Variants in CBFA2T2 observed in about 807,000 individuals in gnomAD.
CBFA2T2 encodes CBFA2/RUNX1 partner transcriptional co-repressor 2.
CBFA2T2 carries 11 observed loss-of-function variants against 62.2 expected under a neutral mutation model. The observed-to-expected ratio is 0.18, with a 90% CI of 0.11 to 0.29. The LOEUF (loss-of-function observed/expected upper bound fraction) is 0.29, where lower values mean the gene tolerates loss of function less well. Among genes scored for constraint, CBFA2T2 ranks in the 10% least tolerant of loss-of-function variants. CBFA2T2 has a pLI of 1.00. For synonymous variants in CBFA2T2, 295 were observed against 287.5 expected (o/e 1.03, Z -0.27); for missense variants, 592 against 774.1 (o/e 0.76, Z 2.79).
chr20:33,632,704 C>T (rs1192590971), intron 8 of CBFA2T2, among the ~76,000 whole-genome samples: 1 of 151,932 alleles, frequency 6.6e-6, no homozygotes, highest in Non-Finnish European at 1.5e-5. Context: ...GCCTCGTCCT[C>T]CCGAAGTGCT....
intron 1 of CBFA2T2, among the ~76,000 whole-genome samples, chr20:33,491,531 C>T (rs1337449352): frequency 6.6e-6 from 1 of 150,970 alleles, no homozygotes; most frequent in Non-Finnish European, 1.5e-5. Flanking sequence ...CTTTACGCTT[C>T]TTTTTTTTTG....
rs869281966 is a variant in CBFA2T2, at chr20:33,501,630, C to CTTTTTTTTTTTTTTTTTT, written c.34+11340_34+11357dup. Among the ~76,000 whole-genome samples, 2 of 63,256 alleles carry CTTTTTTTTTTTTTTTTTT rather than the reference C, an allele frequency of 3.2e-5. 1 individual carries two copies. Among genetic ancestry groups the CTTTTTTTTTTTTTTTTTT allele is most frequent in the African/African-American group, 1.4e-4 (2 of 14,130 alleles). 41.5% of individuals were successfully genotyped at this position (63,256 alleles called of 152,430 possible). ...AGTTGAAACTATATTCTTAGCCTTC[C>CTTTTTTTTTTTTTTTTTT]TTTTTTTTTTTTTTTTTTTTTTTTT... On this transcript the variant is annotated intron_variant, in intron 1 of 10. Transcript: ENST00000342704.
At chr20:33,567,105 GCTGA>G (rs1157452607) in intron 1 of CBFA2T2, among the ~76,000 whole-genome samples, 8 of 152,316 alleles carry the variant, frequency 5.3e-5, no homozygotes, top group African/African-American at 1.4e-4. Flanking sequence ...ATTTTCACTG[GCTGA>G]TGGACTTTCC....
At chr20:33,522,820 G>A (rs1441665033) in intron 1 of CBFA2T2, among the ~76,000 whole-genome samples, 3 of 152,154 alleles carry the variant, frequency 2.0e-5, no homozygotes, top group African/African-American at 7.2e-5. Context: ...ATACCATTGA[G>A]ATGCATGAAG....
intron 1 of CBFA2T2, among the ~76,000 whole-genome samples, chr20:33,566,316 A>C (rs2013308704): frequency 6.6e-6 from 1 of 152,178 alleles, no homozygotes; most frequent in Non-Finnish European, 1.5e-5. Context: ...TAAAGTGTAC[A>C]AAAAGTGGCT....
At chr20:33,571,331 A>G (rs149974014) in intron 1 of CBFA2T2, among the ~76,000 whole-genome samples, 17 of 152,354 alleles carry the variant, frequency 1.1e-4, no homozygotes, top group African/African-American at 4.1e-4. Flanking sequence ...TGTACGCACA[A>G]ATCAATAGAT....
At chr20:33,625,116 A>C in intron 6 of CBFA2T2, 99 bp downstream of exon 6, 1 of 1,206,854 alleles carries the variant, frequency 8.3e-7, no homozygotes, top group Non-Finnish European at 1.2e-6. Context: ...TTTCCCACTG[A>C]TTGGATAAAA....
At chr20:33,522,157 C>T (rs2011747286) in intron 1 of CBFA2T2, among the ~76,000 whole-genome samples, 1 of 152,102 alleles carries the variant, frequency 6.6e-6, no homozygotes, top group Non-Finnish European at 1.5e-5. Context: ...GACTAGAGTA[C>T]ATTCATGACC....
intron 1 of CBFA2T2, among the ~76,000 whole-genome samples, chr20:33,587,133 G>A (rs1412269526): frequency 6.6e-6 from 1 of 151,986 alleles, no homozygotes. Context: ...TTTTAGAGAC[G>A]AGGTCTCCCT....
intron 1 of CBFA2T2, among the ~76,000 whole-genome samples, chr20:33,518,075 A>G (rs1300316587): frequency 6.6e-6 from 1 of 151,952 alleles, no homozygotes; most frequent in Non-Finnish European, 1.5e-5. Flanking sequence ...CAGCCTCCCA[A>G]GTAGCTGGGA....
At chr20:33,497,467 A>G (rs1211587824) in intron 1 of CBFA2T2, among the ~76,000 whole-genome samples, 2 of 149,640 alleles carry the variant, frequency 1.3e-5, no homozygotes, top group East Asian at 3.9e-4. Context: ...TAGTTCCATT[A>G]TTAAACCCTC....
At chr20:33,596,787 A>C (rs1309019911) in intron 1 of CBFA2T2, among the ~76,000 whole-genome samples, 2 of 152,132 alleles carry the variant, frequency 1.3e-5, no homozygotes, top group Admixed American at 1.3e-4. Flanking sequence ...TCTACTGAGC[A>C]TTTTAAAGGT....
At chr20:33,573,186 A>T (rs1419516464) in intron 1 of CBFA2T2, among the ~76,000 whole-genome samples, 1 of 152,214 alleles carries the variant, frequency 6.6e-6, no homozygotes, top group Non-Finnish European at 1.5e-5. Context: ...CCTCATGGAG[A>T]TTAAATTCTA....
chr20:33,583,677 A>G lies in CBFA2T2; in HGVS notation c.35-23279A>G, dbSNP rs1303392806. On this transcript the variant is annotated intron_variant, in intron 1 of 10. Transcript: ENST00000342704. The stretch of plus-strand genomic sequence containing the variant: ...TGGATTTAGATGGTGACCCAAGTCT[A>G]CCAGCACTGCATTTAGTAACCATTT... Among the ~76,000 whole-genome samples the G allele has an allele frequency of 2.0e-5, 3 of 152,302 alleles. No individual in the cohort carries two copies. The East Asian group carries it at 5.8e-4, about 29-fold the overall frequency.
intron 1 of CBFA2T2, among the ~76,000 whole-genome samples, chr20:33,606,437 G>C (rs2015342866): frequency 6.6e-6 from 1 of 152,168 alleles, no homozygotes; most frequent in African/African-American, 2.4e-5. Flanking sequence ...TTCTCTCACA[G>C]TTCAGAAAGC....
chr20:33,558,402 G>A (rs2012978509), intron 1 of CBFA2T2, among the ~76,000 whole-genome samples: 1 of 152,186 alleles, frequency 6.6e-6, no homozygotes, highest in Admixed American at 6.5e-5. Flanking sequence ...CAAGGCGCTG[G>A]GACTATAGGT....
chr20:33,640,199 A>G, intron 9 of CBFA2T2, 142 bp from the exon 10 acceptor site: 2 of 782,854 alleles, frequency 2.6e-6, no homozygotes, highest in Non-Finnish European at 2.0e-6. Context: ...GGATGGACAC[A>G]TGAGTGTGAA....
At chr20:33,531,967 T>C (rs2012074549) in intron 1 of CBFA2T2, among the ~76,000 whole-genome samples, 1 of 152,222 alleles carries the variant, frequency 6.6e-6, no homozygotes. Context: ...TTTAACAATT[T>C]ATTGTGGGGA....
At chr20:33,634,030 G>A (rs993710677) in intron 8 of CBFA2T2, among the ~76,000 whole-genome samples, 17 of 152,104 alleles carry the variant, frequency 1.1e-4, no homozygotes, top group African/African-American at 3.9e-4. Flanking sequence ...GTACAGTGGT[G>A]CAGTCTCGGC....
Sources: gnomAD v4.1 joint callset for allele counts (sites outside exome capture counted in the v4.1 genomes callset) on GRCh38, gnomAD v4.1.1 for gene constraint, MANE v1.5 for transcripts, NCBI Gene and HGNC (gene_info 2026-07-23, HGNC 2026-07-21) for gene names.